Variants in LHFPL3 observed in about 807,000 individuals in gnomAD.
The protein encoded by LHFPL3 is LHFPL tetraspan subfamily member 3, also known as LHFPL tetraspan subfamily member 3 protein.
In LHFPL3, 5 loss-of-function variants were observed where a neutral mutation model predicts 19.3. That is an observed-to-expected ratio of 0.26 (90% CI 0.14 to 0.54). The LOEUF (loss-of-function observed/expected upper bound fraction) is 0.54. Among genes scored for constraint, LHFPL3 ranks in the 20% least tolerant of loss-of-function variants. LHFPL3 has a pLI of 0.94. For missense variants in LHFPL3, 249 were observed against 307.4 expected, an observed-to-expected ratio of 0.81 and a Z score of 1.42; for synonymous variants, 133 against 126.2, an observed-to-expected ratio of 1.05 and a Z score of -0.36.
intron 2 of LHFPL3, among the ~76,000 whole-genome samples, chr7:104,802,439 G>A (rs73415699): frequency 0.038 from 5,442 of 143,458 alleles, 342 homozygotes; most frequent in African/African-American, 0.13. Context: ...AGGCTACAAT[G>A]AGCTATGATA....
chr7:104,740,119 G>C (rs1793905443), intron 2 of LHFPL3, among the ~76,000 whole-genome samples: 2 of 152,112 alleles, frequency 1.3e-5, no homozygotes, highest in African/African-American at 2.4e-5. Context: ...TCTCTCTCCT[G>C]CTGCCATGTG....
chr7:104,549,553 G>A (rs181798799), intron 1 of LHFPL3, among the ~76,000 whole-genome samples: 2 of 151,620 alleles, frequency 1.3e-5, no homozygotes, highest in African/African-American at 4.8e-5. Flanking sequence ...TGTTGGAGTG[G>A]TAGGGACCCA....
At chr7:104,460,997 A>G (rs1792651220) in intron 1 of LHFPL3, among the ~76,000 whole-genome samples, 1 of 152,106 alleles carries the variant, frequency 6.6e-6, no homozygotes, top group Non-Finnish European at 1.5e-5. Flanking sequence ...AATCCATTGT[A>G]TTAGTCTATT....
At chr7:104,888,736 C>T (rs1198364006) in intron 2 of LHFPL3, among the ~76,000 whole-genome samples, 1 of 152,156 alleles carries the variant, frequency 6.6e-6, no homozygotes, top group Non-Finnish European at 1.5e-5. Flanking sequence ...TCACATGTGT[C>T]AACAATGCAT....
At chr7:104,597,567 G>T (rs1264769352) in intron 1 of LHFPL3, among the ~76,000 whole-genome samples, 1 of 152,166 alleles carries the variant, frequency 6.6e-6, no homozygotes, top group South Asian at 2.1e-4. Flanking sequence ...GACATGGTGG[G>T]GGGAGGGGAA....
intron 2 of LHFPL3, among the ~76,000 whole-genome samples, chr7:104,739,780 G>A (rs776212407): frequency 2.6e-4 from 39 of 152,314 alleles, no homozygotes; most frequent in Non-Finnish European, 5.1e-4. Context: ...CAGTGTCATG[G>A]AAGAAGGCAA....
intron 2 of LHFPL3, among the ~76,000 whole-genome samples, chr7:104,886,157 C>A (rs991558220): frequency 1.3e-5 from 2 of 152,220 alleles, no homozygotes; most frequent in African/African-American, 4.8e-5. Context: ...AAAGCTAGGA[C>A]TTACTCTCCT....
At chr7:104,441,185 C>G (rs543659183) in intron 1 of LHFPL3, among the ~76,000 whole-genome samples, 1 of 152,152 alleles carries the variant, frequency 6.6e-6, no homozygotes, top group African/African-American at 2.4e-5. Flanking sequence ...CGTTGAACAA[C>G]TCCTCTCATT....
intron 1 of LHFPL3, among the ~76,000 whole-genome samples, chr7:104,417,887 T>TTC (rs1562891041): frequency 0.011 from 1,275 of 111,970 alleles, 19 homozygotes; most frequent in African/African-American, 0.046. Context: ...TCTTCTTCTT[T>TTC]TTTTTTTTTT....
intron 1 of LHFPL3, among the ~76,000 whole-genome samples, chr7:104,629,386 A>G (rs1487033853): frequency 6.6e-6 from 1 of 152,046 alleles, no homozygotes; most frequent in African/African-American, 2.4e-5. Flanking sequence ...TACTCTCCAG[A>G]ATTTGTGGTC....
chr7:104,540,068 A>G (rs1164025485), intron 1 of LHFPL3, among the ~76,000 whole-genome samples: 1 of 152,184 alleles, frequency 6.6e-6, no homozygotes, highest in Non-Finnish European at 1.5e-5. Flanking sequence ...GTTTACTGCC[A>G]TACTAGGAGT....
chr7:104,861,868 T>C (rs1791624964), intron 2 of LHFPL3, among the ~76,000 whole-genome samples: 1 of 152,144 alleles, frequency 6.6e-6, no homozygotes, highest in South Asian at 2.1e-4. Context: ...CCAGAGGTTA[T>C]TCTCTCCAAC....
At chr7:104,897,920 G>T (rs967303283) in intron 2 of LHFPL3, among the ~76,000 whole-genome samples, 1 of 149,798 alleles carries the variant, frequency 6.7e-6, no homozygotes, top group African/African-American at 2.5e-5. Flanking sequence ...AAGAAAAGGT[G>T]TATTACTGAA....
At chr7:104,853,339 A>T (rs558023085) in intron 2 of LHFPL3, among the ~76,000 whole-genome samples, 2 of 152,200 alleles carry the variant, frequency 1.3e-5, no homozygotes, top group African/African-American at 4.8e-5. Flanking sequence ...GGCTGTGAGG[A>T]TCCTAAGTAC....
At chr7:104,897,467 A>G (rs1584604714) in intron 2 of LHFPL3, among the ~76,000 whole-genome samples, 1 of 152,320 alleles carries the variant, frequency 6.6e-6, no homozygotes, top group Middle Eastern at 3.4e-3. Flanking sequence ...CATTTGTGGT[A>G]ACAAAGGCAT....
At chr7:104,410,433 T>C (rs888591591) in intron 1 of LHFPL3, among the ~76,000 whole-genome samples, 8 of 152,186 alleles carry the variant, frequency 5.3e-5, no homozygotes, top group African/African-American at 1.9e-4. Flanking sequence ...GCACCCGGCC[T>C]GTATGTCTGT....
chr7:104,577,531 C>T (rs1790362599), intron 1 of LHFPL3, among the ~76,000 whole-genome samples: 1 of 151,844 alleles, frequency 6.6e-6, no homozygotes, highest in African/African-American at 2.4e-5. Flanking sequence ...TAGATAAATG[C>T]CTATGTATGT....
intron 1 of LHFPL3, among the ~76,000 whole-genome samples, chr7:104,437,788 G>C (rs900233386): frequency 1.3e-5 from 2 of 152,134 alleles, no homozygotes; most frequent in Non-Finnish European, 2.9e-5. Flanking sequence ...GCACCTCCCA[G>C]AACCTCCATG....
intron 1 of LHFPL3, among the ~76,000 whole-genome samples, chr7:104,367,335 T>TTTGGACTTGTAAACAAGAC (rs1175989641): frequency 2.6e-5 from 4 of 152,244 alleles, no homozygotes; most frequent in African/African-American, 9.6e-5. Flanking sequence ...AGGGCAGCCC[T>TTTGGACTTGTAAACAAGAC]TGTATTTCCA....
Sources: gnomAD v4.1 joint callset for allele counts (sites outside exome capture counted in the v4.1 genomes callset) on GRCh38, gnomAD v4.1.1 for gene constraint, MANE v1.5 for transcripts, NCBI Gene and HGNC (gene_info 2026-07-23, HGNC 2026-07-21) for gene names.